Variants in ZNF407 observed in about 807,000 individuals in gnomAD.
ZNF407 encodes the protein zinc finger protein 407.
In ZNF407, 17 loss-of-function variants were observed where a neutral mutation model predicts 131.2. The observed-to-expected ratio is 0.13, with a 90% confidence interval of 0.09 to 0.19. The LOEUF (loss-of-function observed/expected upper bound fraction) is 0.19. Among genes scored for constraint, ZNF407 ranks in the 10% least tolerant of loss-of-function variants. The pLI, the probability that ZNF407 is intolerant of heterozygous loss-of-function variation, is 1.00. For synonymous variants in ZNF407, 1,156 were observed against 1,062.0 expected, an observed-to-expected ratio of 1.09 and a Z score of -1.72; for missense variants, 2,681 against 2,830.6, an observed-to-expected ratio of 0.95 and a Z score of 1.20.
intron 4 of ZNF407, among the ~76,000 whole-genome samples, chr18:74,795,763 G>T (rs961959958): frequency 6.6e-6 from 1 of 152,256 alleles, no homozygotes; most frequent in Non-Finnish European, 1.5e-5. Flanking sequence ...AGCTGAAAGT[G>T]ACTTGGATTT....
At chr18:75,001,797 G>A (rs1174572719) in intron 8 of ZNF407, among the ~76,000 whole-genome samples, 8 of 152,208 alleles carry the variant, frequency 5.3e-5, no homozygotes, top group Non-Finnish European at 1.2e-4. Context: ...GTTGTATGTG[G>A]AATCTGTGAT....
chr18:74,728,168 G>A (rs1968204744), intron 3 of ZNF407, among the ~76,000 whole-genome samples: 1 of 152,192 alleles, frequency 6.6e-6, no homozygotes, highest in Non-Finnish European at 1.5e-5. Flanking sequence ...TAGCAATGGG[G>A]ATGGAAAGAG....
At chr18:74,810,545 A>G (rs534385494) in intron 4 of ZNF407, among the ~76,000 whole-genome samples, 48 of 152,316 alleles carry the variant, frequency 3.2e-4, no homozygotes, top group African/African-American at 1.0e-3. Flanking sequence ...CCACTCAAGT[A>G]ATTGGTCAGA....
intron 4 of ZNF407, among the ~76,000 whole-genome samples, chr18:74,870,385 A>G (rs1202119957): frequency 2.6e-5 from 4 of 152,188 alleles, no homozygotes; most frequent in African/African-American, 9.7e-5. Context: ...TGGCTTAAGT[A>G]GGAGGCTCCC....
intron 3 of ZNF407, among the ~76,000 whole-genome samples, chr18:74,656,635 A>G (rs1167800442): frequency 6.6e-6 from 1 of 152,206 alleles, no homozygotes; most frequent in Non-Finnish European, 1.5e-5. Context: ...TTCAGTGATT[A>G]CAAGGATAGT....
rs539622228 is a variant in ZNF407, at chr18:74,999,443, T to C, written c.5429-63707T>C. On this transcript the variant is annotated intron_variant, in intron 8 of 8. Transcript: ENST00000299687. ...ATTTATACAAACTGTGATTCGTGTC[T>C]GCTTTCCCCTGGCTTAACCCTTTGG... Among the ~76,000 whole-genome samples the C allele has an allele frequency of 3.3e-4, 50 of 152,042 alleles. 1 individual carries two copies. The highest frequency in any genetic ancestry group is 3.9e-4 in the Admixed American group (6 of 15,270).
At position 74,727,544 on chromosome 18, in the gene ZNF407, C is replaced by G. The variant is rs117045516; in HGVS notation, c.4803-53884C>G. ...TCTGGCAGCACAGGTGCGTGTTCAA[C>G]ACAGGGGCTCGAATGAAGTCTCCGA... On this transcript the variant is annotated intron_variant, in intron 3 of 8. Coordinates refer to ENST00000299687, the MANE Select transcript of ZNF407 (RefSeq NM_017757.3). 2.8e-3 allele frequency among the ~76,000 whole-genome samples: 432 copies of G among 152,320 alleles called. 9 individuals are homozygous for G. Among genetic ancestry groups the G allele is most frequent in the East Asian group, 0.027 (138 of 5,180 alleles).
In ZNF407 at chr18:74,726,510, A is replaced by G. The variant is rs568189533; in HGVS notation, c.4803-54918A>G. Among the ~76,000 whole-genome samples, 4 of 152,370 alleles carry G rather than the reference A, an allele frequency of 2.6e-5. No individual in the cohort carries two copies. In the South Asian group the frequency reaches 6.2e-4, roughly 24 times the overall value. On this transcript the variant is annotated intron_variant, in intron 3 of 8. Transcript: ENST00000299687. ...ACCAATTTACATAGAAATATGAAACAGCAATGTATTGGGAAAAATTTTGGA... is the reference window on the plus strand; with the variant it reads ...ACCAATTTACATAGAAATATGAAACGGCAATGTATTGGGAAAAATTTTGGA...
intron 3 of ZNF407, among the ~76,000 whole-genome samples, chr18:74,725,187 G>C (rs576402891): frequency 3.3e-5 from 5 of 151,992 alleles, no homozygotes; most frequent in Non-Finnish European, 5.9e-5. Flanking sequence ...CCAGGCTGGA[G>C]TGCTGTGGTG....
chr18:74,945,592 C>G (rs756957617), intron 8 of ZNF407, among the ~76,000 whole-genome samples: 2 of 152,108 alleles, frequency 1.3e-5, no homozygotes, highest in Non-Finnish European at 2.9e-5. Context: ...TTTAAAAGCC[C>G]TTGACAGTAT....
At chr18:74,664,198 C>T (rs572393872) in intron 3 of ZNF407, among the ~76,000 whole-genome samples, 4 of 152,302 alleles carry the variant, frequency 2.6e-5, no homozygotes, top group South Asian at 4.1e-4. Flanking sequence ...ACCACAGTCT[C>T]TTAAAAGAAA....
intron 8 of ZNF407, among the ~76,000 whole-genome samples, chr18:75,052,103 A>G (rs902771801): frequency 6.6e-6 from 1 of 152,204 alleles, no homozygotes; most frequent in African/African-American, 2.4e-5. Flanking sequence ...CACCGCTAGC[A>G]GTGCTTGCAT....
chr18:74,793,906 A>G (rs1445387713), intron 4 of ZNF407, among the ~76,000 whole-genome samples: 4 of 152,188 alleles, frequency 2.6e-5, no homozygotes, highest in Non-Finnish European at 5.9e-5. Flanking sequence ...CTCAGGAGGG[A>G]GAGCTACCGC....
At chr18:74,934,614 T>C (rs1254402022) in intron 8 of ZNF407, among the ~76,000 whole-genome samples, 2 of 152,196 alleles carry the variant, frequency 1.3e-5, no homozygotes, top group African/African-American at 4.8e-5. Context: ...TTCAAGATCA[T>C]GGCCAACATG....
intron 3 of ZNF407, among the ~76,000 whole-genome samples, chr18:74,756,949 T>C (rs548447105): frequency 6.6e-6 from 1 of 152,216 alleles, no homozygotes; most frequent in South Asian, 2.1e-4. Context: ...ATATTCACCC[T>C]TTTCATTCCT....
chr18:74,962,476 CAT>C (rs1228573094), intron 8 of ZNF407, among the ~76,000 whole-genome samples: 1 of 152,228 alleles, frequency 6.6e-6, no homozygotes, highest in Non-Finnish European at 1.5e-5. Flanking sequence ...CCACAATAGA[CAT>C]TTCCTAGGTG....
At chr18:74,900,218 G>T (rs80070958) in intron 7 of ZNF407, among the ~76,000 whole-genome samples, 1 of 152,112 alleles carries the variant, frequency 6.6e-6, no homozygotes, top group African/African-American at 2.4e-5. Flanking sequence ...GAACACTCCC[G>T]AGTTGAGCCA....
At chr18:74,906,989 T>C (rs1007784621) in intron 7 of ZNF407, among the ~76,000 whole-genome samples, 2 of 152,202 alleles carry the variant, frequency 1.3e-5, no homozygotes, top group Non-Finnish European at 2.9e-5. Flanking sequence ...ACTTTATGTG[T>C]ATATGTATAA....
chr18:74,799,791 GTAGC>G (rs1234220392), intron 4 of ZNF407, among the ~76,000 whole-genome samples: 1 of 151,458 alleles, frequency 6.6e-6, no homozygotes, highest in Admixed American at 6.6e-5. Context: ...TATCCTACAA[GTAGC>G]AATAGGATGA....
Sources: gnomAD v4.1 joint callset for allele counts (sites outside exome capture counted in the v4.1 genomes callset) on GRCh38, gnomAD v4.1.1 for gene constraint, MANE v1.5 for transcripts, NCBI Gene and HGNC (gene_info 2026-07-23, HGNC 2026-07-21) for gene names.